The following SLC9A7 variants were observed in gnomAD, a reference collection of about 807,000 sequenced individuals.
SLC9A7 encodes sodium/hydrogen exchanger 7.
In SLC9A7, 19 loss-of-function variants were observed where a neutral mutation model predicts 52.6. That is an observed-to-expected ratio of 0.36 (90% confidence interval 0.25 to 0.53). SLC9A7 has a LOEUF of 0.53. SLC9A7 is among the 20% of genes least tolerant of loss of function. SLC9A7 has a pLI of 0.91. For missense variants in SLC9A7, 455 were observed against 597.9 expected (o/e 0.76, Z 2.49); for synonymous variants, 226 against 252.1 (o/e 0.90, Z 0.98).
At chrX:46,641,712 C>T (rs1943408616) in intron 12 of SLC9A7, among the ~76,000 whole-genome samples, 1 of 111,601 alleles carries the variant, frequency 9.0e-6, no homozygotes, top group Admixed American at 9.5e-5. Flanking sequence ...AATTTTATAA[C>T]TCTTCTTACA....
chrX:46,621,934 C>A (rs1237019718), intron 14 of SLC9A7, among the ~76,000 whole-genome samples: 1 of 111,802 alleles, frequency 8.9e-6, no homozygotes, highest in Non-Finnish European at 1.9e-5. Context: ...AAGTGAGGGA[C>A]AATTGACAAT....
intron 1 of SLC9A7, among the ~76,000 whole-genome samples, chrX:46,711,005 G>A (rs951151656): frequency 8.9e-6 from 1 of 112,788 alleles, no homozygotes; most frequent in African/African-American, 3.2e-5. Flanking sequence ...CCTGATTAAC[G>A]TGAGCCTGAC....
intron 1 of SLC9A7, among the ~76,000 whole-genome samples, chrX:46,721,912 A>C (rs762998655): frequency 8.9e-6 from 1 of 112,271 alleles, no homozygotes; most frequent in East Asian, 2.8e-4. Context: ...ATTTTTTTCC[A>C]TTTTGCTTCC....
intron 1 of SLC9A7, among the ~76,000 whole-genome samples, chrX:46,688,003 T>C (rs1944322429): frequency 8.9e-6 from 1 of 112,640 alleles, no homozygotes; most frequent in African/African-American, 3.2e-5. Context: ...TGGAGGCATG[T>C]ATCAGTACTT....
At chrX:46,705,862 C>T (rs1343305979) in intron 1 of SLC9A7, among the ~76,000 whole-genome samples, 1 of 110,906 alleles carries the variant, frequency 9.0e-6, no homozygotes, top group Non-Finnish European at 1.9e-5. Flanking sequence ...AAGATCCCTA[C>T]ATTATCCCAT....
intron 15 of SLC9A7, among the ~76,000 whole-genome samples, chrX:46,615,091 GGAGT>G (rs751684200): frequency 8.9e-6 from 1 of 112,222 alleles, no homozygotes; most frequent in Non-Finnish European, 1.9e-5. Flanking sequence ...TTGCCAGGCT[GGAGT>G]GCAGTGGTGA....
chrX:46,714,014 T>C (rs1335699780), intron 1 of SLC9A7, among the ~76,000 whole-genome samples: 1 of 111,092 alleles, frequency 9.0e-6, no homozygotes, highest in African/African-American at 3.3e-5. Flanking sequence ...TTTCTGCTTC[T>C]TCCTACTACT....
chrX:46,669,341 G>A (rs898126575), intron 5 of SLC9A7, among the ~76,000 whole-genome samples: 1 of 109,767 alleles, frequency 9.1e-6, no homozygotes, highest in African/African-American at 3.3e-5. Flanking sequence ...GAGCCCAGGA[G>A]GTCAAGGCTG....
intron 15 of SLC9A7, among the ~76,000 whole-genome samples, chrX:46,615,027 C>A (rs753759145): frequency 2.1e-4 from 24 of 112,130 alleles, no homozygotes; most frequent in African/African-American, 7.8e-4. Flanking sequence ...GATGTGCAGG[C>A]CTGGCTGGAG....
intron 1 of SLC9A7, among the ~76,000 whole-genome samples, chrX:46,754,332 G>A (rs1483076850): frequency 9.0e-6 from 1 of 111,553 alleles, no homozygotes; most frequent in Non-Finnish European, 1.9e-5. Flanking sequence ...CTAAGGCTCA[G>A]AGAGTTTATC....
chrX:46,747,874 T>A (rs917590475), intron 1 of SLC9A7, among the ~76,000 whole-genome samples: 3 of 112,048 alleles, frequency 2.7e-5, no homozygotes, highest in Non-Finnish European at 3.8e-5. Context: ...CATTTTTTTT[T>A]AAATGGAAAA....
At chrX:46,747,264 A>G (rs4824590) in intron 1 of SLC9A7, among the ~76,000 whole-genome samples, 29,572 of 110,916 alleles carry the variant, frequency 0.27, 3,595 homozygotes, top group East Asian at 0.56. Flanking sequence ...ATCTCTGTGC[A>G]TTTTGAAATA....
At chrX:46,720,268 C>G (rs1021237312) in intron 1 of SLC9A7, among the ~76,000 whole-genome samples, 1 of 111,574 alleles carries the variant, frequency 9.0e-6, no homozygotes, top group East Asian at 2.8e-4. Context: ...TTATTTGATT[C>G]AAGCATAAAA....
chrX:46,701,536 G>A (rs776344319), intron 1 of SLC9A7, among the ~76,000 whole-genome samples: 17 of 111,711 alleles, frequency 1.5e-4, no homozygotes, highest in Middle Eastern at 4.6e-3. Context: ...GCAGTGAGCC[G>A]AGATCACGCC....
chrX:46,728,142 G>T (rs1392655724), intron 1 of SLC9A7, among the ~76,000 whole-genome samples: 2 of 111,459 alleles, frequency 1.8e-5, no homozygotes, highest in East Asian at 2.8e-4. Context: ...AGCCATAAAG[G>T]AAAAATTAAT....
In SLC9A7 at chrX:46,653,017, C is replaced by A. The variant is rs147550972; in HGVS notation, c.1147+592G>T. The stretch of plus-strand genomic sequence containing the variant: ...TATACAAATAAAATTTTAATAGATT[C>A]TTTGCACCTTAACATCTACTTACAG... On this transcript the variant is annotated intron_variant, in intron 8 of 16. Transcript: ENST00000616978. Among the ~76,000 whole-genome samples, 366 of 112,239 alleles carry A rather than the reference C, an allele frequency of 3.3e-3. 6 individuals carry two copies. In the East Asian group the frequency reaches 0.093, roughly 29 times the overall value.
In SLC9A7 at chrX:46,673,745, C is replaced by T. The variant is rs6611285; in HGVS notation, c.604-1118G>A. On this transcript the variant is annotated intron_variant, in intron 3 of 16. Coordinates refer to ENST00000616978, the MANE Select transcript of SLC9A7 (RefSeq NM_001257291.2). The stretch of plus-strand genomic sequence containing the variant: ...GCATGACCAGACAAAGGGCTGCAGG[C>T]GTCCTCTGGTCTGCATCCCAGACAC... 5.6e-4 allele frequency among the ~76,000 whole-genome samples: 63 copies of T among 111,644 alleles called. No homozygotes were observed. In the East Asian group the frequency reaches 0.015, roughly 26 times the overall value.
chrX:46,654,887 G>A (rs1209751166), intron 7 of SLC9A7, among the ~76,000 whole-genome samples: 1 of 110,797 alleles, frequency 9.0e-6, no homozygotes, highest in Non-Finnish European at 1.9e-5. Context: ...ATCCAATGTG[G>A]TAGCTGAACA....
intron 14 of SLC9A7, 110 bp downstream of exon 14, chrX:46,631,476 G>A (rs927541477): frequency 1.4e-5 from 8 of 580,788 alleles, no homozygotes; most frequent in South Asian, 1.1e-4. Flanking sequence ...AGCAGTACAC[G>A]CTTCATAAGG....
Sources: gnomAD v4.1 joint callset for allele counts (sites outside exome capture counted in the v4.1 genomes callset) on GRCh38, gnomAD v4.1.1 for gene constraint, MANE v1.5 for transcripts, NCBI Gene and HGNC (gene_info 2026-07-23, HGNC 2026-07-21) for gene names.